The following SFMBT2 variants were observed in gnomAD, a reference collection of about 807,000 sequenced individuals.
The protein encoded by SFMBT2 is scm-like with four MBT domains protein 2.
Under a neutral mutation model 110.1 loss-of-function variants are expected in SFMBT2, and 38 were observed. That is an observed-to-expected ratio of 0.35 (90% confidence interval 0.27 to 0.45). The LOEUF (loss-of-function observed/expected upper bound fraction) is 0.45, where lower values mean the gene tolerates loss of function less well. Ranked by LOEUF, SFMBT2 falls within the 20% of genes least tolerant of loss-of-function variation. The pLI is 1.00. For synonymous variants in SFMBT2, 425 were observed against 425.4 expected, an observed-to-expected ratio of 1.00 and a Z score of 0.01; for missense variants, 1,011 against 1,094.9, an observed-to-expected ratio of 0.92 and a Z score of 1.08.
rs1190179806 is a variant in SFMBT2 at position 7,176,087 on chromosome 10, G to A, written c.1887C>T (p.Val629=). ...SDQVANFCRR[V]CAKLECCPNL... ...TTGGACAGCACTCTAGCTTGGCACA[G>A]ACTCGGCGGCAGAAATTTGCGACTT... Residue 629 remains valine (V), a synonymous_variant, in exon 17 of 21, where the codon GTC becomes GTT. Transcript: ENST00000397167. 4 of 1,614,198 alleles carry A rather than the reference G, an allele frequency of 2.5e-6. No individual in the cohort carries two copies. Among genetic ancestry groups the A allele is most frequent in the East Asian group, 4.5e-5 (2 of 44,886 alleles).
intron 4 of SFMBT2, among the ~76,000 whole-genome samples, chr10:7,291,659 G>A (rs557639431): frequency 6.6e-6 from 1 of 152,198 alleles, no homozygotes; most frequent in Non-Finnish European, 1.5e-5. Context: ...ACCTTGGAGA[G>A]GCTGGTGTCC....
In SFMBT2 at chr10:7,337,006, T is replaced by G. The variant is rs183212091; in HGVS notation, c.436+30643A>C. ...CTGTTGGAGTACTTTCTGTCACCAGTAAGATTTAACCCAATGAAAAGAATA... is the reference window on the plus strand; with the variant it reads ...CTGTTGGAGTACTTTCTGTCACCAGGAAGATTTAACCCAATGAAAAGAATA... On this transcript the variant is annotated intron_variant, in intron 4 of 20. Transcript: ENST00000397167. 2.0e-5 allele frequency among the ~76,000 whole-genome samples: 3 copies of G among 152,310 alleles called. No homozygotes were observed. The East Asian group carries it at 5.8e-4, about 29-fold the overall frequency.
intron 1 of SFMBT2, among the ~76,000 whole-genome samples, chr10:7,405,696 T>C (rs768464513): frequency 1.6e-4 from 24 of 152,244 alleles, no homozygotes; most frequent in East Asian, 7.7e-4. Flanking sequence ...ACAGTGATCA[T>C]TGAGTGACAT....
chr10:7,380,094 T>C (rs1328949247), intron 2 of SFMBT2, among the ~76,000 whole-genome samples: 1 of 152,178 alleles, frequency 6.6e-6, no homozygotes, highest in East Asian at 1.9e-4. Flanking sequence ...GCTCAGGAAC[T>C]CCAGAATTTG....
chr10:7,376,089 T>G (rs1484271189), intron 2 of SFMBT2, among the ~76,000 whole-genome samples: 1 of 152,168 alleles, frequency 6.6e-6, no homozygotes, highest in Non-Finnish European at 1.5e-5. Flanking sequence ...CATCAGGAAA[T>G]TTCACGTCGC....
At chr10:7,404,657 T>C (rs1846166346) in intron 1 of SFMBT2, among the ~76,000 whole-genome samples, 1 of 152,224 alleles carries the variant, frequency 6.6e-6, no homozygotes, top group African/African-American at 2.4e-5. Context: ...ACGCAATGGA[T>C]TCTTTCTTTA....
chr10:7,213,011 A>G lies in SFMBT2; in HGVS notation c.1331-7083T>C, dbSNP rs182416949. ...AACCAAACACTGTACGTTCTCACTC[A>G]TAAGTGGAAGCTGAACAATGAGAAC... On this transcript the variant is annotated intron_variant, in intron 11 of 20. Transcript: ENST00000397167. 2.0e-4 allele frequency among the ~76,000 whole-genome samples: 30 copies of G among 152,266 alleles called. No individual in the cohort carries two copies. In the South Asian group the frequency reaches 3.1e-3, roughly 16 times the overall value.
intron 4 of SFMBT2, among the ~76,000 whole-genome samples, chr10:7,358,014 T>C (rs1173104930): frequency 6.6e-6 from 1 of 152,038 alleles, no homozygotes; most frequent in Non-Finnish European, 1.5e-5. Flanking sequence ...GACATCAACA[T>C]GGCCCTAGAA....
chr10:7,411,010 CT>C lies in SFMBT2; in HGVS notation c.-202del, dbSNP rs1257499913. Among the ~76,000 whole-genome samples, 2 of 150,184 alleles carry C rather than the reference CT, an allele frequency of 1.3e-5. No homozygotes were observed. Among genetic ancestry groups the C allele is most frequent in the Non-Finnish European group, 3.0e-5 (2 of 67,460 alleles). ...TCGCGCGCCCGCTCCGGTCCTCCGG[CT>C]CCCACTACAGCTCATTCCAATATGG... On this transcript the variant is annotated 5_prime_UTR_variant, in exon 1 of 21. The change creates a premature stop within an existing upstream ORF in the 5' untranslated region. Coordinates refer to ENST00000397167, the MANE Select transcript of SFMBT2 (RefSeq NM_001387889.1).
At chr10:7,376,496 G>A (rs1190064711) in intron 2 of SFMBT2, among the ~76,000 whole-genome samples, 2 of 151,640 alleles carry the variant, frequency 1.3e-5, no homozygotes, top group African/African-American at 4.9e-5. Flanking sequence ...TCAAGAGATC[G>A]AGACCATCCT....
intron 7 of SFMBT2, among the ~76,000 whole-genome samples, chr10:7,264,368 T>C (rs944827636): frequency 6.6e-6 from 1 of 152,210 alleles, no homozygotes; most frequent in African/African-American, 2.4e-5. Flanking sequence ...TCGATACTTA[T>C]GTCAAAGACG....
intron 11 of SFMBT2, among the ~76,000 whole-genome samples, chr10:7,217,194 C>T (rs1004287558): frequency 1.3e-5 from 2 of 152,090 alleles, no homozygotes; most frequent in South Asian, 2.1e-4. Context: ...GAGACTTTAA[C>T]GGGGAGAGAG....
At chr10:7,195,493 G>C (rs1588790510) in intron 15 of SFMBT2, among the ~76,000 whole-genome samples, 1 of 152,190 alleles carries the variant, frequency 6.6e-6, no homozygotes, top group East Asian at 1.9e-4. Context: ...TTACAAGGAA[G>C]GCAGCTCCAT....
At chr10:7,384,892 C>T (rs1845545980) in intron 1 of SFMBT2, among the ~76,000 whole-genome samples, 1 of 152,224 alleles carries the variant, frequency 6.6e-6, no homozygotes, top group Non-Finnish European at 1.5e-5. Context: ...GGCCACAGAA[C>T]TAAACATCAC....
chr10:7,309,807 G>A (rs1842799149), intron 4 of SFMBT2, among the ~76,000 whole-genome samples: 1 of 152,162 alleles, frequency 6.6e-6, no homozygotes, highest in Non-Finnish European at 1.5e-5. Flanking sequence ...GGAGGAGGAG[G>A]AGGTGGGTGT....
At chr10:7,229,499 A>G (rs1277157397) in intron 9 of SFMBT2, among the ~76,000 whole-genome samples, 1 of 148,690 alleles carries the variant, frequency 6.7e-6, no homozygotes, top group Non-Finnish European at 1.5e-5. Flanking sequence ...AATTGCTCAA[A>G]CCCGTGAGGC....
chr10:7,221,370 C>G (rs1188500244), intron 10 of SFMBT2, among the ~76,000 whole-genome samples: 1 of 151,634 alleles, frequency 6.6e-6, no homozygotes, highest in Non-Finnish European at 1.5e-5. Context: ...AGTTCAAGAC[C>G]AGCCTGGCTA....
chr10:7,237,984 A>T (rs1188329296), intron 9 of SFMBT2, among the ~76,000 whole-genome samples: 1 of 152,184 alleles, frequency 6.6e-6, no homozygotes, highest in East Asian at 1.9e-4. Flanking sequence ...AGTGACTGGG[A>T]CAGACTGAGT....
intron 4 of SFMBT2, chr10:7,329,459 A>T (rs1843500134): frequency 1.0e-6 from 1 of 985,468 alleles, no homozygotes; most frequent in African/African-American, 1.7e-5. Flanking sequence ...GAGGGAACTG[A>T]GGAAATGTGT....
Sources: gnomAD v4.1 joint callset for allele counts (sites outside exome capture counted in the v4.1 genomes callset) on GRCh38, gnomAD v4.1.1 for gene constraint, MANE v1.5 for transcripts, NCBI Gene and HGNC (gene_info 2026-07-23, HGNC 2026-07-21) for gene names.